ITIH6: variants seen among roughly 807,000 people sequenced by gnomAD.
The protein encoded by ITIH6 is inter-alpha-trypsin inhibitor heavy chain H6.
A neutral mutation model predicts 58.2 loss-of-function variants in ITIH6; 60 were observed. That is an observed-to-expected ratio of 1.03 (90% CI 0.84 to 1.28). The LOEUF (loss-of-function observed/expected upper bound fraction) is 1.28, where lower values mean the gene tolerates loss of function less well. Among genes scored for constraint, ITIH6 ranks in the 50% most tolerant of loss-of-function variants. The pLI is 0.00. For missense variants in ITIH6, 1,290 were observed against 1,021.1 expected, an observed-to-expected ratio of 1.26 and a Z score of -3.59; for synonymous variants, 493 against 417.4, an observed-to-expected ratio of 1.18 and a Z score of -2.21.
At chrX:54,767,792 A>C (rs1226075496) in intron 6 of ITIH6, among the ~76,000 whole-genome samples, 2 of 93,637 alleles carry the variant, frequency 2.1e-5, no homozygotes, top group East Asian at 6.6e-4. Flanking sequence ...ACATTTGCTG[A>C]GGAGAGCTTT....
chrX:54,795,106 TCAGCTCCTGG>T (rs1929417622), intron 2 of ITIH6, among the ~76,000 whole-genome samples: 1 of 111,805 alleles, frequency 8.9e-6, no homozygotes. Context: ...GTTTGCCTAC[TCAGCTCCTGG>T]CCACCTAGCC....
In ITIH6 at chrX:54,758,469, A is replaced by G. The variant is rs749266244; in HGVS notation, c.1605T>C (p.Ser535=). 3.1e-5 allele frequency: 38 copies of G among 1,208,032 alleles called. No individual in the cohort carries two copies. The highest frequency in any genetic ancestry group is 3.7e-5 in the Non-Finnish European group (33 of 894,268). ...TCTGGCTGTTGTTGGTGGCCCCTTC[A>G]CTGTGGTGGGCCACAAGAAGCTGAT... ...PKDQLLVAHH[S]EGATNNSQKA... is the part of the protein sequence containing the mutation. Residue 535 remains serine, a synonymous_variant, in exon 8 of 13, where the codon AGT becomes AGC. Transcript: ENST00000218436.
chrX:54,777,044 G>A, intron 5 of ITIH6, among the ~76,000 whole-genome samples: 1 of 112,056 alleles, frequency 8.9e-6, no homozygotes, highest in Non-Finnish European at 1.9e-5. Context: ...CCAACTTCCG[G>A]GCCTGCCCTA....
chrX:54,795,028 T>C (rs189266602), intron 2 of ITIH6, among the ~76,000 whole-genome samples: 33 of 111,931 alleles, frequency 2.9e-4, no homozygotes, highest in Non-Finnish European at 4.9e-4. Flanking sequence ...TCTCTTTCGA[T>C]AGTCTCTCAG....
intron 5 of ITIH6, among the ~76,000 whole-genome samples, chrX:54,777,663 T>G (rs1374336308): frequency 8.9e-6 from 1 of 112,384 alleles, no homozygotes; most frequent in Non-Finnish European, 1.9e-5. Flanking sequence ...TTAGTCTGCC[T>G]GGTAATGGAA....
rs147115871 is a variant in ITIH6 at position 54,758,700 on chromosome X, C to T, written c.1374G>A (p.Ala458=). 4.2e-5 allele frequency: 51 copies of T among 1,209,751 alleles called. No homozygotes were observed. The highest frequency in any genetic ancestry group is 2.1e-4 in the South Asian group (12 of 56,758). ...CATAGAGGCCCTTCAGCTGTAGGGC[C>T]GCATCAGTGTCCTCATATATGCGCC... ...IARRIYEDTD[A]ALQLKGLYEE... Residue 458 remains alanine (A), a synonymous_variant, in exon 8 of 13, where the codon GCG becomes GCA. Coordinates refer to ENST00000218436, the MANE Select transcript of ITIH6 (RefSeq NM_198510.3).
chrX:54,751,175 C>A lies in ITIH6; in HGVS notation c.3558G>T (p.Gln1186His). 1 of 1,211,578 alleles carries A rather than the reference C, an allele frequency of 8.3e-7. No individual in the cohort carries two copies. Among genetic ancestry groups the A allele is most frequent in the Non-Finnish European group, 1.1e-6 (1 of 895,289 alleles). ...CTGCAGCAGCCACATAGAGCTCCAGCTGGGGCCTCTTCAGCAGGGCAGGTT... is the reference window on the plus strand; with the variant it reads ...CTGCAGCAGCCACATAGAGCTCCAGATGGGGCCTCTTCAGCAGGGCAGGTT... ...WDQPALLKRP[Q>H]LELYVAAAAR... is the part of the protein sequence containing the mutation. Residue 1186 changes from glutamine to histidine, a missense_variant, in exon 12 of 13, where the codon CAG (glutamine) becomes CAT (histidine). By Grantham distance (24) the Gln-to-His change is conservative. Coordinates refer to ENST00000218436, the MANE Select transcript of ITIH6 (RefSeq NM_198510.3).
At chrX:54,768,319 C>T (rs1251191312) in intron 6 of ITIH6, among the ~76,000 whole-genome samples, 1 of 79,234 alleles carries the variant, frequency 1.3e-5, no homozygotes, top group Non-Finnish European at 2.3e-5. Flanking sequence ...GAATACAGCA[C>T]ACTGATGGGT....
intron 6 of ITIH6, among the ~76,000 whole-genome samples, chrX:54,769,117 AT>A (rs1485718303): frequency 1.1e-5 from 1 of 91,998 alleles, no homozygotes. Context: ...TTCTCGCTTC[AT>A]TTCATTCATT....
chrX:54,791,077 C>G lies in ITIH6; in HGVS notation c.376G>C (p.Glu126Gln). 8.3e-7 allele frequency: 1 copy of G among 1,210,657 alleles called. No homozygotes were observed. The highest frequency in any genetic ancestry group is 1.1e-6 in the Non-Finnish European group (1 of 894,926). The change falls in exon 4 of 13, where the codon GAA becomes CAA. Residue 126 changes from glutamate to glutamine, a missense_variant. Glu to Gln is a conservative substitution (Grantham distance 29, BLOSUM62 2). Transcript: ENST00000218436. ...GTGGAGATGCGGAACTTCTCTGATT[C>G]CCGGTCCCTGGGCAGGAAAGGGAGG... ...TAAHVGIRDR[E>Q]SEKFRISTSL...
rs1240877641 is a variant in ITIH6, at chrX:54,751,395, G to T, written c.3353-15C>A. ...CACATGCAGCCCTGGAGGGAGGGGA[G>T]TGTGGGCCTGGAGCGGGGGCTTTTG... On this transcript the variant is annotated splice_polypyrimidine_tract_variant and intron_variant, in intron 11 of 12. Transcript: ENST00000218436. 1 of 1,206,280 alleles carries T rather than the reference G, an allele frequency of 8.3e-7. No homozygotes were observed. The highest frequency in any genetic ancestry group is 1.1e-6 in the Non-Finnish European group (1 of 892,013).
chrX:54,770,336 C>T (rs901380801), intron 6 of ITIH6, among the ~76,000 whole-genome samples: 1 of 112,803 alleles, frequency 8.9e-6, no homozygotes, highest in South Asian at 3.7e-4. Flanking sequence ...AATCACCCGT[C>T]TTATGCGTCG....
chrX:54,797,118 G>T (rs761557532), intron 1 of ITIH6, 22 bp from the exon 2 acceptor site: 31 of 1,187,911 alleles, frequency 2.6e-5, no homozygotes, highest in Non-Finnish European at 3.5e-5. Context: ...GACAGGAGGA[G>T]GTGTTTTAGG....
intron 6 of ITIH6, among the ~76,000 whole-genome samples, chrX:54,765,880 T>A (rs1928773172): frequency 9.0e-6 from 1 of 110,727 alleles, no homozygotes; most frequent in Non-Finnish European, 1.9e-5. Flanking sequence ...TGCGGGCTCT[T>A]TTTTGGTTCC....
chrX:54,771,587 A>G (rs765009274), intron 6 of ITIH6, among the ~76,000 whole-genome samples: 11 of 111,420 alleles, frequency 9.9e-5, no homozygotes, highest in African/African-American at 2.9e-4. Flanking sequence ...TGTTGTCCTT[A>G]TATGTGGTGC....
At chrX:54,754,866 T>C (rs1217922315) in intron 9 of ITIH6, 151 bp downstream of exon 9, 1 of 446,049 alleles carries the variant, frequency 2.2e-6, no homozygotes, top group Non-Finnish European at 3.9e-6. Context: ...TAATTGGTGT[T>C]GTTTTAAGCT....
In ITIH6 at chrX:54,774,189, A is replaced by G; in HGVS notation, c.795T>C (p.Asp265=). 9.9e-7 allele frequency: 1 copy of G among 1,012,582 alleles called. No individual in the cohort carries two copies. The highest frequency in any genetic ancestry group is 3.3e-5 in the East Asian group (1 of 30,536). 83.4% of individuals were successfully genotyped at this position (1,012,582 alleles called of 1,213,427 possible). ...EDIIGDVQIY[D]DYFIHYFAPR... The stretch of plus-strand genomic sequence containing the variant: ...GGGCAAAGTAGTGAATGAAATAGTC[A>G]TCGTAAATCTGGACCAAAAAAAAAA... Residue 265 remains aspartate, a synonymous_variant, in exon 6 of 13, where the codon GAT becomes GAC. Coordinates refer to ENST00000218436, the MANE Select transcript of ITIH6 (RefSeq NM_198510.3).
intron 5 of ITIH6, among the ~76,000 whole-genome samples, chrX:54,783,591 C>T (rs1241388070): frequency 1.8e-5 from 2 of 111,555 alleles, no homozygotes; most frequent in Non-Finnish European, 3.8e-5. Context: ...TTTATAATAG[C>T]CACAAACAAA....
chrX:54,770,173 C>T (rs368274545), intron 6 of ITIH6, among the ~76,000 whole-genome samples: 18 of 112,749 alleles, frequency 1.6e-4, no homozygotes, highest in Non-Finnish European at 2.6e-4. Flanking sequence ...TTCTTTGACT[C>T]GGAAAGGGAA....
Sources: gnomAD v4.1 joint callset for allele counts (sites outside exome capture counted in the v4.1 genomes callset) on GRCh38, gnomAD v4.1.1 for gene constraint, MANE v1.5 for transcripts, NCBI Gene and HGNC (gene_info 2026-07-23, HGNC 2026-07-21) for gene names.